PTGER4: variants seen among roughly 807,000 people sequenced by gnomAD.
PTGER4 encodes the protein prostaglandin E receptor 4, also known as prostaglandin E2 receptor EP4 subtype.
In PTGER4, 11 loss-of-function variants were observed where a neutral mutation model predicts 33.2. The ratio of observed to expected loss-of-function variants is 0.33; its 90% CI spans 0.21 to 0.55. The LOEUF (loss-of-function observed/expected upper bound fraction) is 0.55, where lower values mean the gene tolerates loss of function less well. PTGER4 is among the 20% of genes least tolerant of loss of function. The probability of loss-of-function intolerance (pLI) is 0.92; values close to 1 mark genes in which losing one functional copy is unlikely to be tolerated. For synonymous variants in PTGER4, 275 were observed against 281.5 expected (o/e 0.98, Z 0.23); for missense variants, 481 against 650.2 (o/e 0.74, Z 2.83).
chr5:40,708,808 G>A, the PTGER4 span, among the ~76,000 whole-genome samples: 1 of 152,182 alleles, frequency 6.6e-6, no homozygotes, highest in Non-Finnish European at 1.5e-5. Context: ...ACTGAATCCA[G>A]CAGCACATCA....
Position 40,692,382 on chromosome 5 carries a change from G to T in PTGER4, c.*4G>T. ...CTTATCAGAAAAATGTATATAATAG[G>T]CAAGGAAAGAAATACAGTACTGTTT... is the stretch of plus-strand genomic sequence containing the variant. On this transcript the variant is annotated 3_prime_UTR_variant, in exon 3 of 3. Transcript: ENST00000302472. 1 of 1,574,828 alleles carries T rather than the reference G, an allele frequency of 6.3e-7. No homozygotes were observed. Among genetic ancestry groups the T allele is most frequent in the Middle Eastern group, 1.7e-4 (1 of 5,844 alleles).
chr5:40,738,247 A>C, the PTGER4 span, among the ~76,000 whole-genome samples: 1 of 151,888 alleles, frequency 6.6e-6, no homozygotes, highest in Non-Finnish European at 1.5e-5. Context: ...CCCTGTCTCT[A>C]CTAAAAATTC....
chr5:40,695,405 T>C (rs1741566576), downstream of PTGER4, among the ~76,000 whole-genome samples: 1 of 146,392 alleles, frequency 6.8e-6, no homozygotes, highest in Non-Finnish European at 1.5e-5. Flanking sequence ...TAGACAGGCA[T>C]GGTGGCGGGT....
the PTGER4 span, among the ~76,000 whole-genome samples, chr5:40,744,990 C>T: frequency 6.6e-6 from 1 of 152,160 alleles, no homozygotes; most frequent in African/African-American, 2.4e-5. Flanking sequence ...AATCTCTACA[C>T]CTAACTTTCA....
At chr5:40,694,829 G>T (rs980320512), downstream of PTGER4, among the ~76,000 whole-genome samples, 2 of 152,218 alleles carry the variant, frequency 1.3e-5, no homozygotes, top group African/African-American at 4.8e-5. Context: ...ATGAATTCCA[G>T]CATTGCTCAG....
chr5:40,731,319 C>G, the PTGER4 span, among the ~76,000 whole-genome samples: 1 of 152,130 alleles, frequency 6.6e-6, no homozygotes, highest in African/African-American at 2.4e-5. Context: ...TTTTTATAGT[C>G]CCTACCCACA....
chr5:40,722,851 C>T, the PTGER4 span, among the ~76,000 whole-genome samples: 2 of 151,470 alleles, frequency 1.3e-5, no homozygotes, highest in African/African-American at 4.8e-5. Context: ...GCTGCCCCGT[C>T]CGGGAGGTGG....
the PTGER4 span, among the ~76,000 whole-genome samples, chr5:40,704,314 A>G: frequency 6.6e-6 from 1 of 152,200 alleles, no homozygotes; most frequent in South Asian, 2.1e-4. Context: ...TCAATAAACT[A>G]GGTATTGAAG....
At chr5:40,739,138 A>ACACT in the PTGER4 span, among the ~76,000 whole-genome samples, 1 of 152,178 alleles carries the variant, frequency 6.6e-6, no homozygotes, top group African/African-American at 2.4e-5. Flanking sequence ...TAGTACTATA[A>ACACT]AGGTATAACA....
intron 2 of PTGER4, among the ~76,000 whole-genome samples, chr5:40,690,380 C>T (rs970859326): frequency 1.3e-5 from 2 of 152,100 alleles, no homozygotes; most frequent in African/African-American, 4.8e-5. Context: ...TGCATTTTCC[C>T]CTAAGGATTA....
chr5:40,702,323 G>C, the PTGER4 span, among the ~76,000 whole-genome samples: 1 of 152,178 alleles, frequency 6.6e-6, no homozygotes, highest in Admixed American at 6.5e-5. Flanking sequence ...ATAAGGGATG[G>C]AGAAAAAGCT....
At chr5:40,690,184 A>G (rs2111808967) in intron 2 of PTGER4, among the ~76,000 whole-genome samples, 1 of 152,212 alleles carries the variant, frequency 6.6e-6, no homozygotes, top group Admixed American at 6.5e-5. Flanking sequence ...TACAAAAATA[A>G]TAACAGTTAG....
rs1741500070 is a variant in PTGER4, at chr5:40,692,532, A to C, written c.*154A>C. ...CCTGGCTTTTGAGCACTTTTCAAAC[A>C]ATCAAGTTGACTCACGTGGGTCCTG... is the stretch of plus-strand genomic sequence containing the variant. On this transcript the variant is annotated 3_prime_UTR_variant, in exon 3 of 3. Transcript: ENST00000302472. The C allele has an allele frequency of 1.4e-6, 2 of 1,437,714 alleles. No homozygotes were observed. The highest frequency in any genetic ancestry group is 2.9e-5 in the African/African-American group (2 of 69,864). 89.1% of individuals were successfully genotyped at this position (1,437,714 alleles called of 1,614,324 possible).
At chr5:40,682,410 A>C (rs1375733808) in intron 2 of PTGER4, among the ~76,000 whole-genome samples, 2 of 152,210 alleles carry the variant, frequency 1.3e-5, no homozygotes, top group Non-Finnish European at 2.9e-5. Flanking sequence ...GAGGTGTTTT[A>C]GTCTAACTCC....
In PTGER4 at chr5:40,680,936, T is replaced by G; in HGVS notation, c.-43-15T>G. 6.5e-7 allele frequency: 1 copy of G among 1,547,608 alleles called. No homozygotes were observed. The highest frequency in any genetic ancestry group is 1.2e-5 in the South Asian group (1 of 80,162). The stretch of plus-strand genomic sequence containing the variant: ...TCCGCTCACGGCAGCTTTGTCTCTC[T>G]TCTACCATCCCCAGACCCAGCCTTG... On this transcript the variant is annotated splice_polypyrimidine_tract_variant and intron_variant, in intron 1 of 2. Coordinates refer to ENST00000302472, the MANE Select transcript of PTGER4 (RefSeq NM_000958.3). This position sits in a 1 kb window ranked among gnomAD's most constrained non-coding sequence, Gnocchi z 5.5.
Position 40,693,112 on chromosome 5 carries a change from C to T in PTGER4, c.*734C>T, listed in dbSNP as rs1348764458. 5.3e-6 allele frequency: 5 copies of T among 946,380 alleles called. No individual in the cohort carries two copies. The East Asian group carries it at 5.8e-4, about 109-fold the overall frequency. 58.6% of individuals were successfully genotyped at this position (946,380 alleles called of 1,614,324 possible). On this transcript the variant is annotated 3_prime_UTR_variant, in exon 3 of 3. Transcript: ENST00000302472. ...GAAAATTACAGTCCAAAATACTGTT[C>T]TTTCCAGGCTATGTATAAAATACAT...
At chr5:40,732,513 T>G in the PTGER4 span, among the ~76,000 whole-genome samples, 10 of 151,894 alleles carry the variant, frequency 6.6e-5, no homozygotes, top group Non-Finnish European at 1.2e-4. Context: ...TTTTGTCTTC[T>G]CTTCTCTAAT....
the PTGER4 span, chr5:40,714,616 A>G: frequency 6.6e-6 from 1 of 152,178 alleles, no homozygotes. Context: ...AAATAAAATA[A>G]TTAACATATT....
the PTGER4 span, chr5:40,746,703 T>C: frequency 4.2e-6 from 4 of 949,120 alleles, no homozygotes; most frequent in African/African-American, 6.7e-5. Context: ...TTTTTAAACA[T>C]GAATTTATCA....
Sources: allele counts gnomAD v4.1 joint callset (sites outside exome capture counted in the v4.1 genomes callset), GRCh38; gene constraint gnomAD v4.1.1; non-coding constraint Gnocchi (gnomAD v3.1); transcripts MANE v1.5; gene names NCBI Gene and HGNC (gene_info 2026-07-23, HGNC 2026-07-21).